EFHC2: variants seen among roughly 807,000 people sequenced by gnomAD.
EFHC2 encodes the protein EF-hand domain containing 2, also known as EF-hand domain-containing family member C2.
Under a neutral mutation model 52.7 loss-of-function variants are expected in EFHC2, and 18 were observed. The ratio of observed to expected loss-of-function variants is 0.34; its 90% CI spans 0.24 to 0.51. The LOEUF is 0.51. EFHC2 is among the 20% of genes least tolerant of loss of function. EFHC2 has a pLI of 0.97. For synonymous variants in EFHC2, 203 were observed against 204.1 expected (o/e 0.99, Z 0.04); for missense variants, 513 against 562.5 (o/e 0.91, Z 0.89).
rs756498219 is a variant in EFHC2 at position 44,240,161 on chromosome X, A to G, written c.1280+1960T>C. ...GAAATCATCTTCCTTAGGTTCTTAC[A>G]GTTTTAAAACCTTGGGTTATTCAAA... On this transcript the variant is annotated intron_variant, in intron 8 of 14. Transcript: ENST00000420999. Among the ~76,000 whole-genome samples the G allele has an allele frequency of 2.7e-5, 3 of 112,351 alleles. No individual in the cohort carries two copies. In the East Asian group the frequency reaches 8.4e-4, roughly 31 times the overall value.
chrX:44,283,187 CTTTG>C (rs763422170), intron 2 of EFHC2, among the ~76,000 whole-genome samples: 38 of 110,946 alleles, frequency 3.4e-4, no homozygotes, highest in Admixed American at 1.0e-3. Flanking sequence ...ATCGGAAGCA[CTTTG>C]TTTGTTTTTG....
Position 44,148,593 on chromosome X carries a change from T to C in EFHC2, c.*202A>G, listed in dbSNP as rs2036542486. 2.8e-6 allele frequency: 1 copy of C among 362,945 alleles called. No individual in the cohort carries two copies. The highest frequency in any genetic ancestry group is 5.7e-5 in the Admixed American group (1 of 17,621). 29.9% of individuals were successfully genotyped at this position (362,945 alleles called of 1,213,427 possible). On this transcript the variant is annotated 3_prime_UTR_variant, in exon 15 of 15. Transcript: ENST00000420999. ...ATATTCAACATGTTTTAAGATGGCATTTTAAATAGTAACAGTACGTCGGCA... is the reference window on the plus strand; with the variant it reads ...ATATTCAACATGTTTTAAGATGGCACTTTAAATAGTAACAGTACGTCGGCA...
chrX:44,275,457 T>A (rs997387369), intron 2 of EFHC2, among the ~76,000 whole-genome samples: 1 of 110,877 alleles, frequency 9.0e-6, no homozygotes, highest in Non-Finnish European at 1.9e-5. Context: ...GATTAAAAAG[T>A]GATCTCACAA....
intron 2 of EFHC2, chrX:44,309,869 T>C: frequency 1.7e-6 from 2 of 1,178,044 alleles, no homozygotes; most frequent in Non-Finnish European, 2.3e-6. Flanking sequence ...GCCTTCTTCT[T>C]GACACAAGGC....
intron 13 of EFHC2, among the ~76,000 whole-genome samples, chrX:44,170,764 T>G (rs919497721): frequency 3.6e-5 from 4 of 111,830 alleles, no homozygotes; most frequent in Admixed American, 9.4e-5. Flanking sequence ...ACATTGGCTC[T>G]TGTTAAAACT....
chrX:44,326,717 ATTTTTTTT>A (rs773265380), intron 1 of EFHC2, among the ~76,000 whole-genome samples: 2 of 45,046 alleles, frequency 4.4e-5, no homozygotes, highest in East Asian at 8.2e-4. Context: ...ATGGAGTCTG[ATTTTTTTT>A]TTTTTTTTTT....
intron 8 of EFHC2, among the ~76,000 whole-genome samples, chrX:44,238,528 G>A (rs931173426): frequency 1.8e-5 from 2 of 111,249 alleles, no homozygotes; most frequent in African/African-American, 6.6e-5. Context: ...TAAACAGTCT[G>A]TAGAGCCCTG....
In EFHC2 at chrX:44,193,231, G is replaced by A. The variant is rs1194707777; in HGVS notation, c.1752-14667C>T. Among the ~76,000 whole-genome samples the A allele has an allele frequency of 2.9e-5, 3 of 105,200 alleles. No individual in the cohort carries two copies. The Admixed American group carries it at 3.1e-4, about 11-fold the overall frequency. 91.4% of individuals were successfully genotyped at this position (105,200 alleles called of 115,157 possible). On this transcript the variant is annotated intron_variant, in intron 11 of 14. Coordinates refer to ENST00000420999, the MANE Select transcript of EFHC2 (RefSeq NM_025184.4). Reference sequence around the variant, plus strand: ...ACATCTTTAAATCTACCTATGACCCGAAAGCCTGCCCCACCCCCGACCCCT... The same window carrying A: ...ACATCTTTAAATCTACCTATGACCCAAAAGCCTGCCCCACCCCCGACCCCT...
chrX:44,159,713 C>T (rs2036636203), intron 14 of EFHC2, among the ~76,000 whole-genome samples: 2 of 112,396 alleles, frequency 1.8e-5, no homozygotes, highest in African/African-American at 3.2e-5. Flanking sequence ...GTAAATGAAT[C>T]GCAATTAGAA....
At chrX:44,226,006 T>G (rs1382920521) in intron 11 of EFHC2, among the ~76,000 whole-genome samples, 1 of 112,073 alleles carries the variant, frequency 8.9e-6, no homozygotes, top group African/African-American at 3.2e-5. Flanking sequence ...AGTAACAACT[T>G]GACAGGAGGC....
chrX:44,275,393 A>G (rs2037648361), intron 2 of EFHC2, among the ~76,000 whole-genome samples: 1 of 110,479 alleles, frequency 9.1e-6, no homozygotes, highest in Non-Finnish European at 1.9e-5. Flanking sequence ...AGGAAGAGGA[A>G]GAGGAAATTA....
chrX:44,201,275 C>T (rs984995090), intron 11 of EFHC2, among the ~76,000 whole-genome samples: 2 of 111,123 alleles, frequency 1.8e-5, no homozygotes, highest in Non-Finnish European at 3.8e-5. Context: ...AAATTAAAGC[C>T]TTAAGTGCAT....
At chrX:44,215,476 TG>T (rs1488151984) in intron 11 of EFHC2, among the ~76,000 whole-genome samples, 1 of 103,342 alleles carries the variant, frequency 9.7e-6, no homozygotes, top group Non-Finnish European at 2.0e-5. Context: ...ACCTACCATA[TG>T]ATCAAGACAT....
At chrX:44,315,395 A>G (rs1227421778) in intron 1 of EFHC2, among the ~76,000 whole-genome samples, 2 of 111,427 alleles carry the variant, frequency 1.8e-5, no homozygotes, top group East Asian at 2.8e-4. Flanking sequence ...CAGTACAGCT[A>G]CCATTTTTGA....
intron 12 of EFHC2, among the ~76,000 whole-genome samples, chrX:44,177,006 G>A (rs2036792588): frequency 8.9e-6 from 1 of 112,427 alleles, no homozygotes; most frequent in Non-Finnish European, 1.9e-5. Flanking sequence ...AGAACCAACA[G>A]GAAAGAAAGT....
At chrX:44,160,634 T>C (rs961919687) in intron 14 of EFHC2, among the ~76,000 whole-genome samples, 18 of 112,078 alleles carry the variant, frequency 1.6e-4, no homozygotes, top group African/African-American at 5.5e-4. Context: ...AAGAGCAGAT[T>C]AATAGGGCCA....
chrX:44,215,583 G>A (rs1171784137), intron 11 of EFHC2, among the ~76,000 whole-genome samples: 1 of 110,207 alleles, frequency 9.1e-6, no homozygotes, highest in Non-Finnish European at 1.9e-5. Context: ...GAATTGTTTT[G>A]TATCTTTATT....
At chrX:44,311,114 T>C (rs1253201167) in intron 2 of EFHC2, among the ~76,000 whole-genome samples, 1 of 111,668 alleles carries the variant, frequency 9.0e-6, no homozygotes, top group East Asian at 2.8e-4. Context: ...CTATGCATAA[T>C]CCACCCAAGT....
chrX:44,233,695 T>C (rs1402603873), intron 9 of EFHC2, among the ~76,000 whole-genome samples: 1 of 111,717 alleles, frequency 9.0e-6, no homozygotes, highest in Non-Finnish European at 1.9e-5. Context: ...TGAATTCTTA[T>C]TGGTAAAATG....
Sources: gnomAD v4.1 joint callset for allele counts (sites outside exome capture counted in the v4.1 genomes callset) on GRCh38, gnomAD v4.1.1 for gene constraint, MANE v1.5 for transcripts, NCBI Gene and HGNC (gene_info 2026-07-23, HGNC 2026-07-21) for gene names.